BRINP1: variants seen among roughly 807,000 people sequenced by gnomAD.
The protein encoded by BRINP1 is BMP/retinoic acid inducible neural specific 1.
BRINP1 carries 17 observed loss-of-function variants against 72.9 expected under a neutral mutation model. The ratio of observed to expected loss-of-function variants is 0.23; its 90% CI spans 0.16 to 0.35. BRINP1 has a LOEUF of 0.35. BRINP1 is among the 10% of genes least tolerant of loss of function. BRINP1 has a pLI of 1.00. For missense variants in BRINP1, 850 were observed against 1,001.6 expected, an observed-to-expected ratio of 0.85 and a Z score of 2.04; for synonymous variants, 418 against 378.5, an observed-to-expected ratio of 1.10 and a Z score of -1.21.
At chr9:119,256,274 T>C (rs751925909) in intron 2 of BRINP1, among the ~76,000 whole-genome samples, 5 of 152,212 alleles carry the variant, frequency 3.3e-5, no homozygotes, top group Non-Finnish European at 7.3e-5. Flanking sequence ...ATTGTTGTTA[T>C]GATTACATGA....
At chr9:119,215,672 TTAAA>T (rs1278890723) in intron 5 of BRINP1, among the ~76,000 whole-genome samples, 1 of 152,228 alleles carries the variant, frequency 6.6e-6, no homozygotes, top group Non-Finnish European at 1.5e-5. Context: ...TTATATATAC[TTAAA>T]TAAGCCCCAT....
chr9:119,193,978 A>T (rs1829707673), intron 7 of BRINP1, among the ~76,000 whole-genome samples: 1 of 152,156 alleles, frequency 6.6e-6, no homozygotes, highest in African/African-American at 2.4e-5. Flanking sequence ...ATCCATTCTA[A>T]GCAGTCTGGC....
chr9:119,286,013 C>T (rs1291158087), intron 2 of BRINP1, among the ~76,000 whole-genome samples: 1 of 152,188 alleles, frequency 6.6e-6, no homozygotes, highest in Non-Finnish European at 1.5e-5. Context: ...CCCCAATTAT[C>T]AGCATCTTCA....
At chr9:119,360,532 T>A (rs1325989618) in intron 1 of BRINP1, among the ~76,000 whole-genome samples, 1 of 152,198 alleles carries the variant, frequency 6.6e-6, no homozygotes, top group East Asian at 1.9e-4. Flanking sequence ...CTGGGGACTC[T>A]AGGAATTCCA....
At chr9:119,242,822 T>A (rs1830268402) in intron 3 of BRINP1, among the ~76,000 whole-genome samples, 1 of 152,300 alleles carries the variant, frequency 6.6e-6, no homozygotes, top group East Asian at 1.9e-4. Flanking sequence ...TTCTTTTAAG[T>A]TTTTCTTAGA....
intron 7 of BRINP1, among the ~76,000 whole-genome samples, chr9:119,168,946 G>A (rs1829362975): frequency 2.0e-5 from 3 of 152,132 alleles, no homozygotes; most frequent in Admixed American, 6.5e-5. Context: ...GAGCTACAAT[G>A]AGAAATACCA....
intron 1 of BRINP1, among the ~76,000 whole-genome samples, chr9:119,353,176 A>G (rs1831522562): frequency 2.6e-5 from 4 of 152,196 alleles, no homozygotes; most frequent in Admixed American, 2.6e-4. Flanking sequence ...TATTCCCAGC[A>G]TCTAGCACAA....
intron 7 of BRINP1, among the ~76,000 whole-genome samples, chr9:119,169,979 G>A (rs1829382525): frequency 1.3e-5 from 2 of 152,132 alleles, no homozygotes; most frequent in South Asian, 4.1e-4. Context: ...AAACCCACCT[G>A]TACATCACCA....
intron 5 of BRINP1, among the ~76,000 whole-genome samples, chr9:119,234,415 G>A: frequency 6.6e-6 from 1 of 150,490 alleles, no homozygotes; most frequent in Non-Finnish European, 1.5e-5. Flanking sequence ...ACTCTTGTTT[G>A]TGAAGTGCTT....
intron 1 of BRINP1, among the ~76,000 whole-genome samples, chr9:119,335,212 C>T (rs1265370480): frequency 1.3e-5 from 2 of 152,138 alleles, no homozygotes; most frequent in South Asian, 2.1e-4. Flanking sequence ...AGCCAAGTTA[C>T]GTGGTTAGAT....
At position 119,175,221 on chromosome 9, in the gene BRINP1, C is replaced by T. The variant is rs577105489; in HGVS notation, c.1146-6997G>A. On this transcript the variant is annotated intron_variant, in intron 7 of 7. Coordinates refer to ENST00000265922, the MANE Select transcript of BRINP1 (RefSeq NM_014618.3). ...GATGAGTTCATGTCCTTTGCACGGA[C>T]ATGGATTAAGCTGGAAACCATCACA... Among the ~76,000 whole-genome samples, 3 of 151,372 alleles carry T rather than the reference C, an allele frequency of 2.0e-5. No individual in the cohort carries two copies. In the South Asian group the frequency reaches 6.3e-4, roughly 32 times the overall value.
At chr9:119,210,631 G>A (rs10984442) in intron 6 of BRINP1, among the ~76,000 whole-genome samples, 6,519 of 151,876 alleles carry the variant, frequency 0.043, 462 homozygotes, top group African/African-American at 0.15. Flanking sequence ...GGGCAATCCC[G>A]AGGCTCAGTA....
At chr9:119,215,275 C>T (rs1193822281) in intron 5 of BRINP1, among the ~76,000 whole-genome samples, 1 of 152,134 alleles carries the variant, frequency 6.6e-6, no homozygotes, top group Admixed American at 6.5e-5. Flanking sequence ...ATACAGAGAG[C>T]CAATGATAGA....
At chr9:119,348,042 T>C (rs1357627023) in intron 1 of BRINP1, among the ~76,000 whole-genome samples, 1 of 152,186 alleles carries the variant, frequency 6.6e-6, no homozygotes, top group South Asian at 2.1e-4. Flanking sequence ...TTTGGACAAA[T>C]GGATAATGAC....
rs1401144014 is a variant in BRINP1, at chr9:119,167,038, T to A, written c.*46A>T. The A allele has an allele frequency of 6.5e-7, 1 of 1,527,980 alleles. No homozygotes were observed. Among genetic ancestry groups the A allele is most frequent in the Non-Finnish European group, 8.8e-7 (1 of 1,132,762 alleles). The allele number at this position is 1,527,980 out of a possible 1,614,324, so 94.7% of individuals were successfully genotyped here. A position where few individuals can be genotyped will look rare whatever the true frequency, so the allele number is the denominator to read the frequency against. On this transcript the variant is annotated 3_prime_UTR_variant, in exon 8 of 8. Transcript: ENST00000265922. The surrounding 1 kb of genome is among the most constrained non-coding windows in gnomAD (Gnocchi z 4.3). ...TTTGTTTTGCTTCATTTTGTTCTGTTGTGTGTGTACAACAACAGGAAAAGT... is the reference window on the plus strand; with the variant it reads ...TTTGTTTTGCTTCATTTTGTTCTGTAGTGTGTGTACAACAACAGGAAAAGT...
chr9:119,239,733 A>C (rs1419314021), intron 4 of BRINP1, among the ~76,000 whole-genome samples: 1 of 152,198 alleles, frequency 6.6e-6, no homozygotes, highest in Non-Finnish European at 1.5e-5. Context: ...TCACCAAAAT[A>C]GGGTCAAGAG....
chr9:119,217,338 C>G (rs955330239), intron 5 of BRINP1, among the ~76,000 whole-genome samples: 4 of 151,398 alleles, frequency 2.6e-5, no homozygotes, highest in Non-Finnish European at 4.4e-5. Context: ...CAGACACACA[C>G]ACACACACAC....
intron 1 of BRINP1, among the ~76,000 whole-genome samples, chr9:119,347,256 C>T (rs1831461220): frequency 6.6e-6 from 1 of 152,126 alleles, no homozygotes; most frequent in Non-Finnish European, 1.5e-5. Context: ...TCCTGAAATG[C>T]CAATGTGGGC....
chr9:119,367,645 C>T (rs1831709180), intron 1 of BRINP1, among the ~76,000 whole-genome samples: 1 of 152,160 alleles, frequency 6.6e-6, no homozygotes, highest in South Asian at 2.1e-4. Flanking sequence ...AAACTACCTT[C>T]CTGGCTGAGA....
Sources: allele counts gnomAD v4.1 joint callset (sites outside exome capture counted in the v4.1 genomes callset), GRCh38; gene constraint gnomAD v4.1.1; non-coding constraint Gnocchi (gnomAD v3.1); transcripts MANE v1.5; gene names NCBI Gene and HGNC (gene_info 2026-07-23, HGNC 2026-07-21).